Variants in FCHSD2 observed in about 807,000 individuals in gnomAD.
FCHSD2 encodes FCH and double SH3 domains 2.
Under a neutral mutation model 108.1 loss-of-function variants are expected in FCHSD2, and 38 were observed. That is an observed-to-expected ratio of 0.35 (90% confidence interval 0.27 to 0.46). The LOEUF (loss-of-function observed/expected upper bound fraction) is 0.46, where lower values mean the gene tolerates loss of function less well. FCHSD2 is among the 20% of genes least tolerant of loss of function. FCHSD2 has a pLI of 1.00. For missense variants in FCHSD2, 751 were observed against 897.8 expected (o/e 0.84, Z 2.09); for synonymous variants, 279 against 314.7 (o/e 0.89, Z 1.20).
rs183051783 is a variant in FCHSD2, at chr11:72,855,644, A to G, written c.1309-5755T>C. Reference sequence around the variant, plus strand: ...CTCTTCTGAAATGTAACACAAGGAGAATAATTTTTTAACCCAGTTTCAAGG... The same window carrying G: ...CTCTTCTGAAATGTAACACAAGGAGGATAATTTTTTAACCCAGTTTCAAGG... On this transcript the variant is annotated intron_variant, in intron 13 of 19. Transcript: ENST00000409418. Among the ~76,000 whole-genome samples the G allele has an allele frequency of 2.1e-3, 316 of 152,348 alleles. 1 individual carries two copies. The highest frequency in any genetic ancestry group is 7.2e-3 in the African/African-American group (298 of 41,582).
Position 73,142,229 on chromosome 11 carries a change from T to C in FCHSD2, c.-352A>G, listed in dbSNP as rs1209563856. 1 of 158,718 alleles carries C rather than the reference T, an allele frequency of 6.3e-6. No individual in the cohort carries two copies. Among genetic ancestry groups the C allele is most frequent in the Non-Finnish European group, 1.4e-5 (1 of 73,094 alleles). 9.8% of individuals were successfully genotyped at this position (158,718 alleles called of 1,614,324 possible). A position where few individuals can be genotyped will look rare whatever the true frequency, so the allele number is the denominator to read the frequency against. ...GGCGGCGGGTTAGCCGCAGCCGCGT[T>C]GTCCGCGCTCCCGGTCGGCCGCCTG... On this transcript the variant is annotated 5_prime_UTR_variant, in exon 1 of 20. Coordinates refer to ENST00000409418, the MANE Select transcript of FCHSD2 (RefSeq NM_014824.3).
chr11:73,103,040 T>C (rs551518676), intron 2 of FCHSD2, among the ~76,000 whole-genome samples: 19 of 152,232 alleles, frequency 1.2e-4, no homozygotes, highest in South Asian at 2.1e-4. Context: ...ATTCCATTTA[T>C]ATGAAATTCT....
At chr11:73,049,580 T>C (rs931281285) in intron 3 of FCHSD2, among the ~76,000 whole-genome samples, 1 of 150,384 alleles carries the variant, frequency 6.6e-6, no homozygotes, top group African/African-American at 2.4e-5. Context: ...ATATACCTAA[T>C]GCTAGATGAC....
intron 4 of FCHSD2, among the ~76,000 whole-genome samples, chr11:73,003,761 C>A (rs1485015930): frequency 6.6e-6 from 1 of 151,546 alleles, no homozygotes; most frequent in Non-Finnish European, 1.5e-5. Context: ...GCTGGGATTA[C>A]AGGCGTAAAA....
At chr11:73,030,057 T>A (rs577060083) in intron 3 of FCHSD2, among the ~76,000 whole-genome samples, 16 of 152,086 alleles carry the variant, frequency 1.1e-4, no homozygotes, top group Non-Finnish European at 2.2e-4. Context: ...TCACAAAGCA[T>A]ACAAAGAAAT....
chr11:72,912,159 A>G (rs1855777574), intron 9 of FCHSD2, among the ~76,000 whole-genome samples: 1 of 152,164 alleles, frequency 6.6e-6, no homozygotes, highest in Non-Finnish European at 1.5e-5. Flanking sequence ...TGACTGCTGT[A>G]GCTAGGACTT....
intron 3 of FCHSD2, among the ~76,000 whole-genome samples, chr11:73,036,258 C>T (rs1858494370): frequency 6.6e-6 from 1 of 151,246 alleles, no homozygotes; most frequent in African/African-American, 2.4e-5. Context: ...AGTATTGGAG[C>T]CAACATAATA....
intron 9 of FCHSD2, among the ~76,000 whole-genome samples, chr11:72,914,963 ATT>A (rs144998272): frequency 8.3e-6 from 1 of 120,466 alleles, no homozygotes; most frequent in Admixed American, 9.4e-5. Flanking sequence ...CAGAATGGGA[ATT>A]TTTTTTTTTT....
At chr11:72,858,702 C>G (rs1861489492) in intron 13 of FCHSD2, among the ~76,000 whole-genome samples, 1 of 152,264 alleles carries the variant, frequency 6.6e-6, no homozygotes, top group Middle Eastern at 3.4e-3. Context: ...ATAATCTGTA[C>G]AACCCCCCCA....
At chr11:73,098,889 A>G (rs1860152472) in intron 2 of FCHSD2, among the ~76,000 whole-genome samples, 1 of 152,186 alleles carries the variant, frequency 6.6e-6, no homozygotes, top group African/African-American at 2.4e-5. Context: ...AAGCACAAAC[A>G]ACGAAGAAAA....
chr11:72,909,271 G>A (rs1232994425), intron 9 of FCHSD2, among the ~76,000 whole-genome samples: 1 of 151,980 alleles, frequency 6.6e-6, no homozygotes, highest in South Asian at 2.1e-4. Flanking sequence ...TCTTGACCTC[G>A]AGTGATCTGC....
intron 2 of FCHSD2, among the ~76,000 whole-genome samples, chr11:73,089,387 G>A (rs1241569400): frequency 1.3e-5 from 2 of 152,146 alleles, no homozygotes; most frequent in African/African-American, 4.8e-5. Flanking sequence ...TCCCAAACTG[G>A]TTAAACACAT....
At chr11:72,882,762 A>G (rs1855116485) in intron 12 of FCHSD2, among the ~76,000 whole-genome samples, 1 of 152,256 alleles carries the variant, frequency 6.6e-6, no homozygotes, top group Non-Finnish European at 1.5e-5. Context: ...AAGACTCAAT[A>G]TTGTTGAGAA....
chr11:73,100,736 G>A (rs1214811646), intron 2 of FCHSD2, among the ~76,000 whole-genome samples: 5 of 152,136 alleles, frequency 3.3e-5, no homozygotes, highest in Non-Finnish European at 1.5e-5. Context: ...GCACAGAAAC[G>A]CAGCTTGGAT....
chr11:73,092,962 A>T (rs75608106), intron 2 of FCHSD2, among the ~76,000 whole-genome samples: 2 of 152,150 alleles, frequency 1.3e-5, no homozygotes, highest in Non-Finnish European at 2.9e-5. Flanking sequence ...CTATGCTAAC[A>T]ATGTGATTTC....
At chr11:72,871,800 C>T (rs1310732475) in intron 12 of FCHSD2, among the ~76,000 whole-genome samples, 1 of 149,138 alleles carries the variant, frequency 6.7e-6, no homozygotes, top group Non-Finnish European at 1.5e-5. Context: ...CTCTTTTGCC[C>T]AGGCTGCTCT....
At chr11:72,845,887 C>T (rs1470857179) in intron 14 of FCHSD2, among the ~76,000 whole-genome samples, 1 of 152,106 alleles carries the variant, frequency 6.6e-6, no homozygotes. Flanking sequence ...AGAATATAAG[C>T]TCAATGAGGG....
chr11:72,842,885 C>T (rs757397648), intron 16 of FCHSD2, 44 bp from the exon 17 acceptor site: 4 of 1,531,488 alleles, frequency 2.6e-6, no homozygotes, highest in South Asian at 1.1e-5. Context: ...TAATTAACAG[C>T]CGGTTGCTTT....
chr11:72,997,458 A>G (rs1428153689), intron 5 of FCHSD2, among the ~76,000 whole-genome samples: 3 of 152,164 alleles, frequency 2.0e-5, no homozygotes, highest in Non-Finnish European at 4.4e-5. Context: ...CACAATGTCC[A>G]ATATTGTGAG....
Sources: allele counts gnomAD v4.1 joint callset (sites outside exome capture counted in the v4.1 genomes callset), GRCh38; gene constraint gnomAD v4.1.1; transcripts MANE v1.5; gene names NCBI Gene and HGNC (gene_info 2026-07-23, HGNC 2026-07-21).